Variants in STRN3 observed in about 807,000 individuals in gnomAD.
STRN3 encodes striatin-3.
STRN3 carries 29 observed loss-of-function variants against 95.6 expected under a neutral mutation model. The observed-to-expected ratio is 0.30, with a 90% CI of 0.23 to 0.41. STRN3 has a LOEUF of 0.41. STRN3 is among the 10% of genes least tolerant of loss of function. The pLI, the probability that STRN3 is intolerant of heterozygous loss-of-function variation, is 1.00. For synonymous variants in STRN3, 331 were observed against 357.6 expected (o/e 0.93, Z 0.84); for missense variants, 890 against 972.1 (o/e 0.92, Z 1.12).
chr14:30,931,551 A>G (rs1347741620), intron 7 of STRN3, among the ~76,000 whole-genome samples: 1 of 152,210 alleles, frequency 6.6e-6, no homozygotes, highest in Non-Finnish European at 1.5e-5. Flanking sequence ...GCAAATACTC[A>G]TACTTTATCA....
chr14:30,998,564 T>C (rs1322326656), intron 1 of STRN3, among the ~76,000 whole-genome samples: 2 of 152,308 alleles, frequency 1.3e-5, no homozygotes, highest in South Asian at 2.1e-4. Flanking sequence ...TGGCTGAATG[T>C]TGAAGGCATG....
At chr14:30,925,350 T>C (rs551426460) in intron 8 of STRN3, among the ~76,000 whole-genome samples, 2 of 152,142 alleles carry the variant, frequency 1.3e-5, no homozygotes, top group South Asian at 2.1e-4. Context: ...AATGGGTCTT[T>C]ACAAAGTTAA....
chr14:30,991,987 A>G (rs1331391938), intron 1 of STRN3, among the ~76,000 whole-genome samples: 1 of 152,040 alleles, frequency 6.6e-6, no homozygotes, highest in Admixed American at 6.5e-5. Context: ...TTATTTGAAT[A>G]TATCAGTCCA....
intron 5 of STRN3, among the ~76,000 whole-genome samples, chr14:30,941,716 A>C (rs1044682203): frequency 6.6e-6 from 1 of 151,996 alleles, no homozygotes; most frequent in Non-Finnish European, 1.5e-5. Context: ...ACCTCTGCCT[A>C]CCAGGTTCAA....
chr14:30,958,901 T>C (rs141489012), intron 1 of STRN3, among the ~76,000 whole-genome samples: 4 of 152,244 alleles, frequency 2.6e-5, no homozygotes, highest in Non-Finnish European at 4.4e-5. Context: ...TCTAGTAAAA[T>C]AGACAAGCAC....
Position 30,947,162 on chromosome 14 carries a change from A to C in STRN3, c.644T>G (p.Val215Gly). The change falls in exon 5 of 18, where the codon GTA (valine) becomes GGA (glycine). Residue 215 changes from valine to glycine, a missense_variant. By Grantham distance (109) the Val-to-Gly change is moderately radical. Transcript: ENST00000357479. Reference sequence around the variant, plus strand: ...GATCTGTTCTAAATTCTTTGTTTCTACTGATCCATTTGGTTCTGAATTAGA... The same window carrying C: ...GATCTGTTCTAAATTCTTTGTTTCTCCTGATCCATTTGGTTCTGAATTAGA... ...GLSNSEPNGS[V>G]ETKNLEQILN... 1.2e-6 allele frequency: 2 copies of C among 1,613,016 alleles called. No homozygotes were observed. Among genetic ancestry groups the C allele is most frequent in the Non-Finnish European group, 1.7e-6 (2 of 1,179,644 alleles).
At position 30,980,743 on chromosome 14, in the gene STRN3, A is replaced by G. The variant is rs191615166; in HGVS notation, c.283-24501T>C. Among the ~76,000 whole-genome samples the G allele has an allele frequency of 3.3e-5, 5 of 152,224 alleles. No individual in the cohort carries two copies. In the East Asian group the frequency reaches 9.6e-4, roughly 29 times the overall value. ...TTAAAAAACAGTATCTTGCTTTGAC[A>G]AATAACTTCACAAAATTTGTTCTAT... On this transcript the variant is annotated intron_variant, in intron 1 of 17. Transcript: ENST00000357479.
chr14:30,936,997 G>C (rs933794676), intron 5 of STRN3, among the ~76,000 whole-genome samples: 2 of 152,160 alleles, frequency 1.3e-5, no homozygotes, highest in African/African-American at 4.8e-5. Flanking sequence ...TGGTCTAAAT[G>C]TTTGAGGACT....
At chr14:30,956,962 C>T (rs1174883881) in intron 1 of STRN3, among the ~76,000 whole-genome samples, 3 of 151,218 alleles carry the variant, frequency 2.0e-5, no homozygotes, top group East Asian at 3.9e-4. Context: ...AGTTCAAGAC[C>T]GGCCTGGCCA....
chr14:30,952,926 G>A (rs1314111117), intron 3 of STRN3, among the ~76,000 whole-genome samples: 1 of 152,010 alleles, frequency 6.6e-6, no homozygotes, highest in Non-Finnish European at 1.5e-5. Flanking sequence ...GTACTTTAGT[G>A]TTTATCATTT....
intron 9 of STRN3, among the ~76,000 whole-genome samples, chr14:30,918,670 C>T (rs1245204742): frequency 1.3e-5 from 2 of 152,180 alleles, no homozygotes; most frequent in South Asian, 2.1e-4. Flanking sequence ...TTATAAATTA[C>T]TATTTTCCCA....
intron 1 of STRN3, among the ~76,000 whole-genome samples, chr14:30,962,307 G>C (rs200738974): frequency 3.3e-5 from 5 of 152,098 alleles, no homozygotes; most frequent in Admixed American, 3.3e-4. Context: ...GAGTTAAAAC[G>C]CTGAAAAAAT....
intron 4 of STRN3, among the ~76,000 whole-genome samples, chr14:30,947,527 G>C (rs1260462338): frequency 1.3e-5 from 2 of 151,946 alleles, no homozygotes; most frequent in Non-Finnish European, 2.9e-5. Flanking sequence ...GTCTTAAAAT[G>C]CTTTTAGGAT....
At chr14:30,977,811 A>C (rs74902113) in intron 1 of STRN3, among the ~76,000 whole-genome samples, 17 of 108,084 alleles carry the variant, frequency 1.6e-4, no homozygotes, top group African/African-American at 2.2e-4. Flanking sequence ...AAAAAAAAAA[A>C]AAAAAACATG....
chr14:30,900,662 T>C (rs1264925552), intron 16 of STRN3, among the ~76,000 whole-genome samples: 2 of 149,808 alleles, frequency 1.3e-5, no homozygotes, highest in Non-Finnish European at 3.0e-5. Flanking sequence ...GGCACCAGAA[T>C]CAATTGAACC....
At chr14:30,938,594 G>A (rs936333848) in intron 5 of STRN3, among the ~76,000 whole-genome samples, 8 of 151,942 alleles carry the variant, frequency 5.3e-5, no homozygotes, top group Admixed American at 2.0e-4. Flanking sequence ...AAAGTCAAAT[G>A]GAACACAATG....
At chr14:31,004,035 G>A (rs1348003159) in intron 1 of STRN3, among the ~76,000 whole-genome samples, 5 of 151,932 alleles carry the variant, frequency 3.3e-5, no homozygotes, top group Non-Finnish European at 7.4e-5. Context: ...TGTAATCTCA[G>A]CACTTTGGGA....
chr14:30,941,266 C>T (rs1352191969), intron 5 of STRN3, among the ~76,000 whole-genome samples: 1 of 152,200 alleles, frequency 6.6e-6, no homozygotes, highest in Non-Finnish European at 1.5e-5. Context: ...GCTGACTTAA[C>T]TTCTGCATGA....
chr14:30,929,459 G>C, intron 7 of STRN3, 148 bp from the exon 8 acceptor site: 1 of 616,580 alleles, frequency 1.6e-6, no homozygotes, highest in Non-Finnish European at 2.8e-6. Flanking sequence ...CTCAGTTCTG[G>C]TATTCACAAC....
Sources: gnomAD v4.1 joint callset for allele counts (sites outside exome capture counted in the v4.1 genomes callset) on GRCh38, gnomAD v4.1.1 for gene constraint, MANE v1.5 for transcripts, NCBI Gene and HGNC (gene_info 2026-07-23, HGNC 2026-07-21) for gene names.